The following TMEM267 variants were observed in gnomAD, a reference collection of about 807,000 sequenced individuals.
TMEM267 encodes transmembrane protein 267.
A neutral mutation model predicts 19.3 loss-of-function variants in TMEM267; 20 were observed. That is an observed-to-expected ratio of 1.04 (90% CI 0.73 to 1.51). The LOEUF is 1.51. Among genes scored for constraint, TMEM267 ranks in the 40% most tolerant of loss-of-function variants. The pLI, the probability that TMEM267 is intolerant of heterozygous loss-of-function variation, is 0.00. For missense variants in TMEM267, 242 were observed against 261.9 expected (o/e 0.92, Z 0.52); for synonymous variants, 88 against 90.3 (o/e 0.97, Z 0.15).
At chr5:43,450,735 T>C (rs563847014) in intron 2 of TMEM267, among the ~76,000 whole-genome samples, 2 of 152,248 alleles carry the variant, frequency 1.3e-5, no homozygotes, top group Non-Finnish European at 2.9e-5. Context: ...TTAAAAATTA[T>C]AATAGAATAA....
Position 43,446,222 on chromosome 5 carries a change from T to G in TMEM267, c.648A>C (p.Ter216CysextTer6), listed in dbSNP as rs760185345. The change falls in exon 3 of 3, where the codon TGA (stop) becomes TGC (cysteine). Residue 216 changes from the stop codon to cysteine, a stop_lost. Transcript: ENST00000397080. ...SSKHGVRIDV* is the reference protein window; with the variant it reads ...SSKHGVRIDVC ...TGCTTCTCTAAGACTGCCGTGTACC[T>G]CAGACATCAATACGAACTCCATGTT... The G allele has an allele frequency of 1.2e-6, 2 of 1,600,498 alleles. No individual in the cohort carries two copies. The highest frequency in any genetic ancestry group is 1.7e-6 in the Non-Finnish European group (2 of 1,168,852).
At chr5:43,448,276 C>T (rs1402081657) in intron 2 of TMEM267, among the ~76,000 whole-genome samples, 6 of 152,258 alleles carry the variant, frequency 3.9e-5, no homozygotes, top group Admixed American at 2.6e-4. Flanking sequence ...GAACATGTAC[C>T]ATTTCTATAT....
At chr5:43,477,648 G>T (rs1744510486) in intron 1 of TMEM267, among the ~76,000 whole-genome samples, 1 of 150,022 alleles carries the variant, frequency 6.7e-6, no homozygotes, top group African/African-American at 2.5e-5. Context: ...AGATCTCCCT[G>T]CCACCAAGCC....
intron 1 of TMEM267, among the ~76,000 whole-genome samples, chr5:43,465,213 T>C (rs1743573439): frequency 6.6e-6 from 1 of 152,116 alleles, no homozygotes; most frequent in Non-Finnish European, 1.5e-5. Flanking sequence ...AAAATGCTCA[T>C]CATCACTGGC....
intron 2 of TMEM267, among the ~76,000 whole-genome samples, chr5:43,447,097 C>CTT (rs201238947): frequency 1.4e-5 from 2 of 140,440 alleles, no homozygotes; most frequent in African/African-American, 2.6e-5. Context: ...CAGTAAATTT[C>CTT]TTTTTTTTTT....
intron 1 of TMEM267, among the ~76,000 whole-genome samples, chr5:43,481,912 G>A (rs1191361732): frequency 6.6e-6 from 1 of 152,106 alleles, no homozygotes; most frequent in Non-Finnish European, 1.5e-5. Context: ...GCATGATCTC[G>A]GCTCACTGCA....
chr5:43,458,437 T>C (rs1743076381), intron 1 of TMEM267, among the ~76,000 whole-genome samples: 1 of 152,202 alleles, frequency 6.6e-6, no homozygotes, highest in Admixed American at 6.6e-5. Context: ...CATAGTATAA[T>C]TCTACTTATT....
intron 2 of TMEM267, among the ~76,000 whole-genome samples, chr5:43,449,249 G>T (rs766064727): frequency 4.6e-5 from 7 of 152,062 alleles, no homozygotes; most frequent in Non-Finnish European, 1.0e-4. Context: ...CCCAAACTGG[G>T]CAACAGAGTA....
chr5:43,475,099 T>G (rs1314161105), intron 1 of TMEM267, among the ~76,000 whole-genome samples: 1 of 152,146 alleles, frequency 6.6e-6, no homozygotes, highest in Admixed American at 6.5e-5. Context: ...GTGGCACTGT[T>G]TACAATAGCA....
chr5:43,456,594 A>C (rs1481987392), intron 1 of TMEM267, among the ~76,000 whole-genome samples: 1 of 152,204 alleles, frequency 6.6e-6, no homozygotes, highest in African/African-American at 2.4e-5. Flanking sequence ...AATGGACAAA[A>C]GATGTGAAAA....
intron 2 of TMEM267, among the ~76,000 whole-genome samples, chr5:43,447,276 G>A (rs1742304555): frequency 6.6e-6 from 1 of 151,942 alleles, no homozygotes; most frequent in Admixed American, 6.6e-5. Flanking sequence ...TTTTAGTAGA[G>A]ACAGGGTTTC....
chr5:43,453,972 CA>C lies in TMEM267; in HGVS notation c.-4del, dbSNP rs776450879. 154 of 1,611,734 alleles carry C rather than the reference CA, an allele frequency of 9.6e-5. No individual in the cohort carries two copies. The highest frequency in any genetic ancestry group is 1.1e-4 in the Non-Finnish European group (129 of 1,178,566). On this transcript the variant is annotated 5_prime_UTR_variant, in exon 2 of 3. Transcript: ENST00000397080. ...GTCTTTTCAGTCTCGGATGCCATGA[CA>C]AACAATATGTTAGTATAGACTAAAA...
intron 2 of TMEM267, among the ~76,000 whole-genome samples, chr5:43,451,267 TTAAAC>T (rs1346773274): frequency 1.3e-5 from 2 of 152,214 alleles, no homozygotes; most frequent in Admixed American, 6.5e-5. Context: ...GGGAACTTAA[TTAAAC>T]TAAAGAGCTT....
chr5:43,461,620 T>C lies in TMEM267; in HGVS notation c.-74-7577A>G, dbSNP rs550365530. Among the ~76,000 whole-genome samples, 37 of 152,228 alleles carry C rather than the reference T, an allele frequency of 2.4e-4. 1 individual carries two copies. Among genetic ancestry groups the C allele is most frequent in the Middle Eastern group, 3.4e-3 (1 of 294 alleles). ...CCACAAACTGACTTAAGAGACCTTGTGCCTTAAGGGGCATTAGCAGTGTTC... is the reference window on the plus strand; with the variant it reads ...CCACAAACTGACTTAAGAGACCTTGCGCCTTAAGGGGCATTAGCAGTGTTC... On this transcript the variant is annotated intron_variant, in intron 1 of 2. Transcript: ENST00000397080.
intron 1 of TMEM267, among the ~76,000 whole-genome samples, chr5:43,472,763 T>C (rs572783188): frequency 2.1e-5 from 3 of 141,988 alleles, no homozygotes; most frequent in South Asian, 2.3e-4. Context: ...CTCGTGGACA[T>C]AGAGAGTAGA....
chr5:43,453,718 T>C lies in TMEM267; in HGVS notation c.252A>G (p.Gly84=), dbSNP rs776722443. The change falls in exon 2 of 3, where the codon GGA becomes GGG. Residue 84 remains glycine, a synonymous_variant. Transcript: ENST00000397080. ...KTDFGEIILA[G]FLASVIDVDH... ...CTACATCAATAACAGAGGCTAAAAA[T>C]CCAGCTAAAATGATTTCTCCAAAGT... 4 of 1,614,092 alleles carry C rather than the reference T, an allele frequency of 2.5e-6. No homozygotes were observed. The South Asian group carries it at 4.4e-5, about 18-fold the overall frequency.
chr5:43,474,707 C>T (rs10074298), intron 1 of TMEM267, among the ~76,000 whole-genome samples: 1,865 of 140,504 alleles, frequency 0.013, 39 homozygotes, highest in African/African-American at 0.043. Flanking sequence ...TGTGGTGAGC[C>T]AAGATCACGC....
intron 1 of TMEM267, 40 bp from the exon 2 acceptor site, chr5:43,454,083 G>T: frequency 7.5e-7 from 1 of 1,335,048 alleles, no homozygotes; most frequent in Non-Finnish European, 1.0e-6. Context: ...TGAAGATTAT[G>T]GACTACCATA....
chr5:43,477,477 C>A (rs1744497724), intron 1 of TMEM267, among the ~76,000 whole-genome samples: 1 of 151,976 alleles, frequency 6.6e-6, no homozygotes, highest in Admixed American at 6.6e-5. Context: ...GCCTGTAATC[C>A]CAGCTACTTG....
Sources: gnomAD v4.1 joint callset for allele counts (sites outside exome capture counted in the v4.1 genomes callset) on GRCh38, gnomAD v4.1.1 for gene constraint, MANE v1.5 for transcripts, NCBI Gene and HGNC (gene_info 2026-07-23, HGNC 2026-07-21) for gene names.